Variants in HPCAL4 observed in about 807,000 individuals in gnomAD.
HPCAL4 encodes the protein hippocalcin-like protein 4.
In HPCAL4, 16 loss-of-function variants were observed where a neutral mutation model predicts 18.2. The ratio of observed to expected loss-of-function variants is 0.88; its 90% confidence interval spans 0.59 to 1.33. HPCAL4 has a LOEUF of 1.33. Ranked by LOEUF, HPCAL4 falls within the 40% of genes most tolerant of loss-of-function variation. HPCAL4 has a pLI of 0.00. For synonymous variants in HPCAL4, 80 were observed against 97.5 expected, an observed-to-expected ratio of 0.82 and a Z score of 1.06; for missense variants, 214 against 256.6, an observed-to-expected ratio of 0.83 and a Z score of 1.14.
At chr1:39,688,142 C>T (rs1646690991) in intron 1 of HPCAL4, among the ~76,000 whole-genome samples, 1 of 152,178 alleles carries the variant, frequency 6.6e-6, no homozygotes, top group Non-Finnish European at 1.5e-5. Flanking sequence ...CTTCTCCACC[C>T]ACATCTGCCC....
At chr1:39,684,389 G>C in intron 2 of HPCAL4, 53 bp downstream of exon 2, 12 of 1,199,138 alleles carry the variant, frequency 1.0e-5, no homozygotes, top group Non-Finnish European at 1.2e-5. Flanking sequence ...CCGGTTCCTC[G>C]CCTCCCCCAA....
chr1:39,684,290 ACCTCCCCCGCACCCCGGGTGCCTCG>A lies in HPCAL4; in HGVS notation c.162+127_163-139del, dbSNP rs1408395994. On this transcript the variant is annotated intron_variant, in intron 2 of 3. Coordinates refer to ENST00000372844, the MANE Select transcript of HPCAL4 (RefSeq NM_016257.4). ...TTGCCCCCGCCACCCCGGGTGCCTC[ACCTCCCCCGCACCCCGGGTGCCTCG>A]CCTCCCCTCCCACCCCGGGTGCCTC... The A allele has an allele frequency of 6.5e-6, 5 of 774,106 alleles. No individual in the cohort carries two copies. The East Asian group carries it at 1.3e-4, about 21-fold the overall frequency. The allele number at this position is 774,106 out of a possible 1,614,324, so 48.0% of individuals were successfully genotyped here.
At chr1:39,688,826 C>CAGGACTAT (rs1646696651) in intron 1 of HPCAL4, among the ~76,000 whole-genome samples, 1 of 152,206 alleles carries the variant, frequency 6.6e-6, no homozygotes, top group South Asian at 2.1e-4. Context: ...GGACTATAAT[C>CAGGACTAT]AGTCTTCAGG....
At chr1:39,686,033 T>C (rs571711304) in intron 1 of HPCAL4, among the ~76,000 whole-genome samples, 43 of 150,922 alleles carry the variant, frequency 2.8e-4, no homozygotes, top group African/African-American at 1.0e-3. Flanking sequence ...TACAAAAAAT[T>C]AGCCAGGCAT....
chr1:39,681,313 G>A lies in HPCAL4; in HGVS notation c.*1223C>T, dbSNP rs935635418. ...GTGGCCAGGTGAGCCTTTTCTTCTA[G>A]CTCTTTCTGATTCTGTGGCAGTGAA... On this transcript the variant is annotated 3_prime_UTR_variant, in exon 4 of 4. Transcript: ENST00000372844. 1.3e-5 allele frequency: 2 copies of A among 152,186 alleles called. No homozygotes were observed. Among genetic ancestry groups the A allele is most frequent in the Non-Finnish European group, 2.9e-5 (2 of 68,044 alleles). The allele number at this position is 152,186 out of a possible 1,614,324, so 9.4% of individuals were successfully genotyped here.
chr1:39,689,070 C>T (rs1646698921), intron 1 of HPCAL4, among the ~76,000 whole-genome samples: 1 of 152,160 alleles, frequency 6.6e-6, no homozygotes, highest in Non-Finnish European at 1.5e-5. Flanking sequence ...GACCTTTTTG[C>T]TCAATGGCAA....
chr1:39,689,721 GGGCTTTGAATGGAGAGGTGGCTGA>G (rs1646703331), intron 1 of HPCAL4, among the ~76,000 whole-genome samples: 1 of 152,206 alleles, frequency 6.6e-6, no homozygotes, highest in Non-Finnish European at 1.5e-5. Flanking sequence ...TAAGGGCTGT[GGGCTTTGAATGGAGAGGTGGCTGA>G]GGCTTTGAAT....
At chr1:39,689,793 C>A (rs542390082) in intron 1 of HPCAL4, among the ~76,000 whole-genome samples, 2 of 152,354 alleles carry the variant, frequency 1.3e-5, no homozygotes, top group African/African-American at 4.8e-5. Context: ...CACACCCTCA[C>A]CCAGCTTCAG....
rs1646618488 is a variant in HPCAL4 at position 39,680,797 on chromosome 1, T to C, written c.*1739A>G. 1 of 152,378 alleles carries C rather than the reference T, an allele frequency of 6.6e-6. No individual in the cohort carries two copies. Among genetic ancestry groups the C allele is most frequent in the African/African-American group, 2.4e-5 (1 of 41,420 alleles). The allele number at this position is 152,378 out of a possible 1,614,324, so 9.4% of individuals were successfully genotyped here. A position where few individuals can be genotyped will look rare whatever the true frequency, so the allele number is the denominator to read the frequency against. ...GCTACCTCCAAGGGCCCAGTAGAGCTTGGGACCAAGCTCTATTGATCAGCA... is the reference window on the plus strand; with the variant it reads ...GCTACCTCCAAGGGCCCAGTAGAGCCTGGGACCAAGCTCTATTGATCAGCA... On this transcript the variant is annotated 3_prime_UTR_variant, in exon 4 of 4. Coordinates refer to ENST00000372844, the MANE Select transcript of HPCAL4 (RefSeq NM_016257.4).
intron 2 of HPCAL4, 61 bp from the exon 3 acceptor site, chr1:39,684,213 A>T (rs1245601847): frequency 8.2e-7 from 1 of 1,212,514 alleles, no homozygotes; most frequent in African/African-American, 3.0e-5. Context: ...CCCCCATCTC[A>T]GGGAACCTCC....
rs536973759 is a variant in HPCAL4, at chr1:39,684,609, G to C, written c.-6C>G. On this transcript the variant is annotated splice_region_variant and 5_prime_UTR_variant, in exon 2 of 4. Coordinates refer to ENST00000372844, the MANE Select transcript of HPCAL4 (RefSeq NM_016257.4). ...TTGCTGTTGGTCTTCCCCATGGCGG[G>C]GCCTGTGGGACAGAGGGATTCCTCC... 7.7e-5 allele frequency: 122 copies of C among 1,589,146 alleles called. No homozygotes were observed. Among genetic ancestry groups the C allele is most frequent in the Non-Finnish European group, 1.0e-4 (118 of 1,168,224 alleles).
At chr1:39,684,701 G>T in intron 1 of HPCAL4, 90 bp from the exon 2 acceptor site, 2 of 1,153,110 alleles carry the variant, frequency 1.7e-6, no homozygotes, top group Non-Finnish European at 2.3e-6. Flanking sequence ...CACAGGGCGG[G>T]GTTGCAGGTT....
At chr1:39,688,108 T>C (rs1484183493) in intron 1 of HPCAL4, among the ~76,000 whole-genome samples, 2 of 152,150 alleles carry the variant, frequency 1.3e-5, no homozygotes, top group Non-Finnish European at 2.9e-5. Flanking sequence ...CTCCAAATCA[T>C]GGCTACTCTT....
At chr1:39,690,782 G>A (rs548191450) in intron 1 of HPCAL4, among the ~76,000 whole-genome samples, 78 of 152,168 alleles carry the variant, frequency 5.1e-4, no homozygotes, top group African/African-American at 1.8e-3. Flanking sequence ...GGTGGGATGT[G>A]GGGACAGTGT....
intron 1 of HPCAL4, among the ~76,000 whole-genome samples, chr1:39,686,479 G>T (rs762207424): frequency 2.0e-5 from 3 of 152,238 alleles, no homozygotes; most frequent in Non-Finnish European, 4.4e-5. Flanking sequence ...CAGAGTAAGG[G>T]TCGTGGAGAG....
At chr1:39,687,432 G>C (rs1646684438) in intron 1 of HPCAL4, among the ~76,000 whole-genome samples, 1 of 152,254 alleles carries the variant, frequency 6.6e-6, no homozygotes, top group African/African-American at 2.4e-5. Flanking sequence ...ATGTGCCTGA[G>C]AGTCAGCATG....
Position 39,680,617 on chromosome 1 carries a change from G to C in HPCAL4, c.*1919C>G, listed in dbSNP as rs1646616651. 1 of 152,190 alleles carries C rather than the reference G, an allele frequency of 6.6e-6. No individual in the cohort carries two copies. Among genetic ancestry groups the C allele is most frequent in the African/African-American group, 2.4e-5 (1 of 41,426 alleles). The allele number at this position is 152,190 out of a possible 1,614,324, so 9.4% of individuals were successfully genotyped here. On this transcript the variant is annotated 3_prime_UTR_variant, in exon 4 of 4. Coordinates refer to ENST00000372844, the MANE Select transcript of HPCAL4 (RefSeq NM_016257.4). Reference sequence around the variant, plus strand: ...AATGCAACATCCTTGAGGCATTGCTGGATAAACAACTGCTAGTTCCTGCCT... The same window carrying C: ...AATGCAACATCCTTGAGGCATTGCTCGATAAACAACTGCTAGTTCCTGCCT...
rs1646632115 is a variant in HPCAL4 at position 39,682,227 on chromosome 1, C to A, written c.*309G>T. On this transcript the variant is annotated 3_prime_UTR_variant, in exon 4 of 4. Coordinates refer to ENST00000372844, the MANE Select transcript of HPCAL4 (RefSeq NM_016257.4). ...GATCAAGAGAATTCCTAACCAGAAC[C>A]CCAGGCCCCCAACTCCTTAACCTCA... 2 of 365,222 alleles carry A rather than the reference C, an allele frequency of 5.5e-6. No individual in the cohort carries two copies. Among genetic ancestry groups the A allele is most frequent in the Non-Finnish European group, 1.0e-5 (2 of 194,534 alleles). 22.6% of individuals were successfully genotyped at this position (365,222 alleles called of 1,614,324 possible). A position where few individuals can be genotyped will look rare whatever the true frequency, so the allele number is the denominator to read the frequency against.
At position 39,681,109 on chromosome 1, in the gene HPCAL4, G is replaced by C. The variant is rs993515345; in HGVS notation, c.*1427C>G. On this transcript the variant is annotated 3_prime_UTR_variant, in exon 4 of 4. Coordinates refer to ENST00000372844, the MANE Select transcript of HPCAL4 (RefSeq NM_016257.4). ...TTTCCGGCAGTCAAAGCATGCAGCT[G>C]TATAGCTCATGGATCCAAAATTGGG... 1 of 152,544 alleles carries C rather than the reference G, an allele frequency of 6.6e-6. No individual in the cohort carries two copies. The highest frequency in any genetic ancestry group is 1.5e-5 in the Non-Finnish European group (1 of 68,036). The allele number at this position is 152,544 out of a possible 1,614,324, so 9.4% of individuals were successfully genotyped here.
Sources: gnomAD v4.1 joint callset for allele counts (sites outside exome capture counted in the v4.1 genomes callset) on GRCh38, gnomAD v4.1.1 for gene constraint, MANE v1.5 for transcripts, NCBI Gene and HGNC (gene_info 2026-07-23, HGNC 2026-07-21) for gene names.